Variants in SRFBP1 observed in about 807,000 individuals in gnomAD.
The protein encoded by SRFBP1 is serum response factor-binding protein 1.
A neutral mutation model predicts 45.5 loss-of-function variants in SRFBP1; 47 were observed. That is an observed-to-expected ratio of 1.03 (90% CI 0.82 to 1.32). The LOEUF is 1.32. Ranked by LOEUF, SRFBP1 falls within the 40% of genes most tolerant of loss-of-function variation. SRFBP1 has a pLI of 0.00. For synonymous variants in SRFBP1, 203 were observed against 166.3 expected (o/e 1.22, Z -1.70); for missense variants, 621 against 484.6 (o/e 1.28, Z -2.64).
intron 2 of SRFBP1, among the ~76,000 whole-genome samples, chr5:122,049,931 C>G (rs1753939480): frequency 6.6e-6 from 1 of 152,074 alleles, no homozygotes; most frequent in Non-Finnish European, 1.5e-5. Flanking sequence ...CAGGAAAGAT[C>G]TATTGAGGGT....
chr5:121,985,978 T>C (rs1251624108), intron 3 of SRFBP1, among the ~76,000 whole-genome samples: 1 of 151,838 alleles, frequency 6.6e-6, no homozygotes, highest in Non-Finnish European at 1.5e-5. Flanking sequence ...TTATCTTGGC[T>C]ACAGATGGAG....
intron 1 of SRFBP1, among the ~76,000 whole-genome samples, chr5:121,963,031 A>G (rs1311133986): frequency 6.6e-6 from 1 of 152,218 alleles, no homozygotes; most frequent in Non-Finnish European, 1.5e-5. Context: ...AGGCGGCAAA[A>G]TGAAATGGGT....
At chr5:122,003,169 C>G (rs944654582) in intron 4 of SRFBP1, among the ~76,000 whole-genome samples, 1 of 151,776 alleles carries the variant, frequency 6.6e-6, no homozygotes, top group Non-Finnish European at 1.5e-5. Context: ...TTGGTGAAAC[C>G]CTATCTCTAC....
chr5:122,069,407 A>G (rs1273733345), intron 2 of SRFBP1, among the ~76,000 whole-genome samples: 1 of 152,158 alleles, frequency 6.6e-6, no homozygotes, highest in Non-Finnish European at 1.5e-5. Context: ...ACAGGCATGC[A>G]GTCAAACCTA....
chr5:122,073,479 C>G (rs1190345534), intron 2 of SRFBP1, among the ~76,000 whole-genome samples: 1 of 152,172 alleles, frequency 6.6e-6, no homozygotes, highest in Non-Finnish European at 1.5e-5. Context: ...CCTCCATTTG[C>G]TAACCGCAAC....
intron 1 of SRFBP1, among the ~76,000 whole-genome samples, chr5:121,971,315 A>G (rs951416237): frequency 1.3e-5 from 2 of 152,026 alleles, no homozygotes; most frequent in African/African-American, 4.8e-5. Context: ...GTACAATTTG[A>G]AAGATAATTA....
chr5:122,045,212 A>T (rs758261725), intron 2 of SRFBP1, among the ~76,000 whole-genome samples: 1 of 152,060 alleles, frequency 6.6e-6, no homozygotes, highest in African/African-American at 2.4e-5. Context: ...GTTTTGGTCT[A>T]TGTGTCTGTT....
rs74336506 is a variant in SRFBP1, at chr5:122,020,482, C to G, written c.747C>G (p.Gly249=). 1 of 1,613,922 alleles carries G rather than the reference C, an allele frequency of 6.2e-7. No homozygotes were observed. The change falls in exon 6 of 8, where the codon GGC becomes GGG. Residue 249 remains glycine, a synonymous_variant. Transcript: ENST00000339397. ...SDSSLSGNSD[G]GEEFCEEEKE... is the part of the protein sequence containing the mutation. ...GCTCACTCTCTGGTAACAGTGATGG[C>G]GGAGAAGAATTTTGTGAAGAGGAGA...
intron 3 of SRFBP1, among the ~76,000 whole-genome samples, chr5:121,987,848 A>C (rs1388449832): frequency 6.6e-6 from 1 of 152,218 alleles, no homozygotes; most frequent in East Asian, 1.9e-4. Flanking sequence ...AGCACAATAC[A>C]GAATAGTTTG....
chr5:121,981,553 CTTT>C (rs71623244), intron 3 of SRFBP1, among the ~76,000 whole-genome samples: 14 of 134,686 alleles, frequency 1.0e-4, no homozygotes, highest in South Asian at 2.4e-4. Context: ...TACCCTGTAC[CTTT>C]TTTTTTTTTT....
In SRFBP1 at chr5:122,013,648, G is replaced by A. The variant is rs146270033; in HGVS notation, c.271-5612G>A. ...TGGACAGATGTTTATAGAAAGGGACGTACAAGTGGTTTAGTAACATAATGA... is the reference window on the plus strand; with the variant it reads ...TGGACAGATGTTTATAGAAAGGGACATACAAGTGGTTTAGTAACATAATGA... On this transcript the variant is annotated intron_variant, in intron 4 of 7. Transcript: ENST00000339397. Among the ~76,000 whole-genome samples, 247 of 152,206 alleles carry A rather than the reference G, an allele frequency of 1.6e-3. 2 individuals carry two copies. The highest frequency in any genetic ancestry group is 5.6e-3 in the African/African-American group (232 of 41,562).
At chr5:121,968,315 T>C (rs1752116604) in intron 1 of SRFBP1, among the ~76,000 whole-genome samples, 1 of 151,800 alleles carries the variant, frequency 6.6e-6, no homozygotes, top group Non-Finnish European at 1.5e-5. Flanking sequence ...ATGTATGATT[T>C]ACATCCCATG....
At chr5:122,009,943 A>G (rs144073806) in intron 4 of SRFBP1, among the ~76,000 whole-genome samples, 30 of 152,130 alleles carry the variant, frequency 2.0e-4, no homozygotes, top group Non-Finnish European at 2.6e-4. Flanking sequence ...AGCTTGTTCT[A>G]TGCTTCTTTT....
chr5:122,048,640 C>G (rs1008026930), intron 2 of SRFBP1, among the ~76,000 whole-genome samples: 4 of 152,088 alleles, frequency 2.6e-5, no homozygotes, highest in Non-Finnish European at 5.9e-5. Context: ...CTCTTTGTAC[C>G]TCTGGTAGAA....
chr5:122,031,613 T>C (rs561017964), downstream of SRFBP1, among the ~76,000 whole-genome samples: 1 of 152,304 alleles, frequency 6.6e-6, no homozygotes, highest in South Asian at 2.1e-4. Flanking sequence ...AACATAGGCA[T>C]GATGAAAGTC....
intron 1 of SRFBP1, among the ~76,000 whole-genome samples, chr5:121,962,793 C>G (rs1479135718): frequency 6.6e-6 from 1 of 152,152 alleles, no homozygotes; most frequent in African/African-American, 2.4e-5. Flanking sequence ...TTAAAGTAAG[C>G]TGGAAACATA....
chr5:122,077,507 G>C (rs1365183509), downstream of SRFBP1: 3 of 1,613,672 alleles, frequency 1.9e-6, no homozygotes, highest in Non-Finnish European at 2.5e-6. The surrounding 1 kb of genome is among the most constrained non-coding windows in gnomAD (Gnocchi z 4.9). Flanking sequence ...CACGCGGCTG[G>C]GCGGCCGCAG....
rs79944822 is a variant in SRFBP1 at position 121,971,410 on chromosome 5, G to A, written c.37-2786G>A. Among the ~76,000 whole-genome samples the A allele has an allele frequency of 2.3e-4, 35 of 152,022 alleles. No homozygotes were observed. The East Asian group carries it at 5.4e-3, about 24-fold the overall frequency. On this transcript the variant is annotated intron_variant, in intron 1 of 7. Transcript: ENST00000339397. ...AAGACCTTTAGGTGTATAACTAAAA[G>A]GATTGTTCCATTCTCTGAAATATGA...
chr5:122,012,259 T>A (rs1444694883), intron 4 of SRFBP1, among the ~76,000 whole-genome samples: 1 of 152,032 alleles, frequency 6.6e-6, no homozygotes, highest in Non-Finnish European at 1.5e-5. Context: ...TTCTTAAGAA[T>A]AAAATTAAAG....
Sources: allele counts gnomAD v4.1 joint callset (sites outside exome capture counted in the v4.1 genomes callset), GRCh38; gene constraint gnomAD v4.1.1; non-coding constraint Gnocchi (gnomAD v3.1); transcripts MANE v1.5; gene names NCBI Gene and HGNC (gene_info 2026-07-23, HGNC 2026-07-21).